The following AGFG1 variants were observed in gnomAD, a reference collection of about 807,000 sequenced individuals.
AGFG1 encodes arf-GAP domain and FG repeat-containing protein 1.
In AGFG1, 10 loss-of-function variants were observed where a neutral mutation model predicts 60.6. The observed-to-expected ratio is 0.16, with a 90% CI of 0.10 to 0.28. AGFG1 has a LOEUF of 0.28. Ranked by LOEUF, AGFG1 falls within the 10% of genes least tolerant of loss-of-function variation. The probability of loss-of-function intolerance (pLI) is 1.00; values close to 1 mark genes in which losing one functional copy is unlikely to be tolerated. For missense variants in AGFG1, 537 were observed against 676.5 expected (o/e 0.79, Z 2.29); for synonymous variants, 247 against 242.9 (o/e 1.02, Z -0.16).
chr2:227,551,005 TAATA>T (rs1025852469), intron 10 of AGFG1, among the ~76,000 whole-genome samples: 8 of 152,194 alleles, frequency 5.3e-5, no homozygotes, highest in African/African-American at 1.9e-4. Context: ...TATTCACTAG[TAATA>T]AATAACATAC....
At chr2:227,480,769 C>T (rs963143192) in intron 1 of AGFG1, among the ~76,000 whole-genome samples, 1 of 152,144 alleles carries the variant, frequency 6.6e-6, no homozygotes, top group Non-Finnish European at 1.5e-5. Context: ...CCAACATTTC[C>T]GTTAGCCTCC....
At chr2:227,482,174 A>G (rs1288893564) in intron 1 of AGFG1, among the ~76,000 whole-genome samples, 1 of 152,104 alleles carries the variant, frequency 6.6e-6, no homozygotes, top group Non-Finnish European at 1.5e-5. Flanking sequence ...CTTGTCCACT[A>G]CTTTTAACTA....
intron 1 of AGFG1, among the ~76,000 whole-genome samples, chr2:227,486,622 TTTG>T (rs1170391657): frequency 9.2e-5 from 14 of 152,342 alleles, no homozygotes; most frequent in African/African-American, 3.4e-4. Flanking sequence ...GTATGTTTAC[TTTG>T]TTGTTTATTG....
At chr2:227,473,107 G>C (rs1690163047) in intron 1 of AGFG1, among the ~76,000 whole-genome samples, 1 of 151,454 alleles carries the variant, frequency 6.6e-6, no homozygotes. Context: ...TGGGGTGGGA[G>C]GGAGGGACGC....
In AGFG1 at chr2:227,553,777, A is replaced by T; in HGVS notation, c.1611A>T (p.Val537=). The T allele has an allele frequency of 6.2e-7, 1 of 1,613,490 alleles. No individual in the cohort carries two copies. Among genetic ancestry groups the T allele is most frequent in the South Asian group, 1.1e-5 (1 of 91,032 alleles). ...TPFGQVAAAG[V]SSNPFMTGAP... Reference sequence around the variant, plus strand: ...TTGGTCAAGTTGCAGCTGCTGGAGTATCTAGTAATCCTTTTATGGTAAGCA... The same window carrying T: ...TTGGTCAAGTTGCAGCTGCTGGAGTTTCTAGTAATCCTTTTATGGTAAGCA... The change falls in exon 12 of 13, where the codon GTA becomes GTT. Residue 537 remains valine (V), a synonymous_variant. Coordinates refer to ENST00000310078, the MANE Select transcript of AGFG1 (RefSeq NM_004504.5).
Position 227,553,784 on chromosome 2 carries a change from A to G in AGFG1, c.1618A>G (p.Asn540Asp), listed in dbSNP as rs778611741. Residue 540 changes from asparagine to aspartate, a missense_variant, in exon 12 of 13, where the codon AAT becomes GAT. Coordinates refer to ENST00000310078, the MANE Select transcript of AGFG1 (RefSeq NM_004504.5). The stretch of plus-strand genomic sequence containing the variant: ...AGTTGCAGCTGCTGGAGTATCTAGT[A>G]ATCCTTTTATGGTAAGCAAAATTTA... ...GQVAAAGVSS[N>D]PFMTGAPTGQ... is the part of the protein sequence containing the mutation. 1 of 1,612,970 alleles carries G rather than the reference A, an allele frequency of 6.2e-7. No homozygotes were observed. The highest frequency in any genetic ancestry group is 1.7e-4 in the Middle Eastern group (1 of 6,056).
intron 4 of AGFG1, 21 bp downstream of exon 4, chr2:227,523,946 T>C (rs1188930729): frequency 6.3e-7 from 1 of 1,592,870 alleles, no homozygotes; most frequent in Admixed American, 1.7e-5. Context: ...TTTGAATCTT[T>C]GTAGGGAATT....
rs1054080920 is a variant in AGFG1, at chr2:227,557,995, C to T, written c.*3500C>T. 1 of 152,146 alleles carries T rather than the reference C, an allele frequency of 6.6e-6. No homozygotes were observed. Among genetic ancestry groups the T allele is most frequent in the South Asian group, 2.1e-4 (1 of 4,826 alleles). The allele number at this position is 152,146 out of a possible 1,614,324, so 9.4% of individuals were successfully genotyped here. A position where few individuals can be genotyped will look rare whatever the true frequency, so the allele number is the denominator to read the frequency against. On this transcript the variant is annotated 3_prime_UTR_variant, in exon 13 of 13. Coordinates refer to ENST00000310078, the MANE Select transcript of AGFG1 (RefSeq NM_004504.5). ...TCTAGAACAGTATTTACTTGCAGGG[C>T]AAACATAACTATTCCCTGGGTTTTT... is the stretch of plus-strand genomic sequence containing the variant.
intron 6 of AGFG1, 84 bp downstream of exon 6, chr2:227,531,294 C>T: frequency 4.1e-6 from 6 of 1,451,328 alleles, no homozygotes; most frequent in Non-Finnish European, 5.6e-6. Context: ...TTAGTCTAAA[C>T]TTAAATTCTG....
chr2:227,497,723 C>CTTGTTT (rs1559173411), intron 2 of AGFG1, among the ~76,000 whole-genome samples: 13 of 80,268 alleles, frequency 1.6e-4, no homozygotes, highest in Admixed American at 8.4e-4. Context: ...AAATGAGTTT[C>CTTGTTT]TTTCTTGTTT....
rs1036585324 is a variant in AGFG1 at position 227,555,101 on chromosome 2, A to G, written c.*606A>G. Reference sequence around the variant, plus strand: ...TGTTTTGCTACAGTTTGCAGGTGAAAAAAAATAAATATTATAAAATATGCT... The same window carrying G: ...TGTTTTGCTACAGTTTGCAGGTGAAGAAAAATAAATATTATAAAATATGCT... On this transcript the variant is annotated 3_prime_UTR_variant, in exon 13 of 13. Coordinates refer to ENST00000310078, the MANE Select transcript of AGFG1 (RefSeq NM_004504.5). 1 of 152,600 alleles carries G rather than the reference A, an allele frequency of 6.6e-6. No homozygotes were observed. The highest frequency in any genetic ancestry group is 2.4e-5 in the African/African-American group (1 of 41,450). 9.5% of individuals were successfully genotyped at this position (152,600 alleles called of 1,614,324 possible).
At chr2:227,548,562 C>T (rs559922918) in intron 10 of AGFG1, among the ~76,000 whole-genome samples, 2 of 152,258 alleles carry the variant, frequency 1.3e-5, no homozygotes, top group South Asian at 4.1e-4. Context: ...TGTCTAAATA[C>T]ATATGAGAAA....
chr2:227,522,094 G>A (rs750752367), intron 3 of AGFG1, among the ~76,000 whole-genome samples: 2 of 152,186 alleles, frequency 1.3e-5, no homozygotes, highest in African/African-American at 2.4e-5. Flanking sequence ...ACTTAAAACA[G>A]TGATGATGGT....
rs1691939551 is a variant in AGFG1 at position 227,524,794 on chromosome 2, G to T, written c.573G>T (p.Gln191His). The T allele has an allele frequency of 1.2e-6, 2 of 1,614,166 alleles. No individual in the cohort carries two copies. Among genetic ancestry groups the T allele is most frequent in the Non-Finnish European group, 1.7e-6 (2 of 1,179,992 alleles). Residue 191 changes from glutamine (Q) to histidine (H), a missense_variant, in exon 5 of 13, where the codon CAG (glutamine) becomes CAT (histidine). Gln to His is a conservative substitution (Grantham distance 24, BLOSUM62 0). Around this residue, in one of 4 missense-constraint regions of AGFG1, gnomAD observed 102 missense variants for 82.9 expected, o/e 1.23. Transcript: ENST00000310078. ...SPVVGRSQGQ[Q>H]QEKKQFDLLS... ...TTGTAGGTCGTTCTCAAGGGCAGCA[G>T]CAGGAGAAGAAGCAATTTGACCTTT...
chr2:227,499,793 C>G (rs554014328), intron 2 of AGFG1, among the ~76,000 whole-genome samples: 1 of 152,306 alleles, frequency 6.6e-6, no homozygotes, highest in African/African-American at 2.4e-5. Flanking sequence ...GGTAGTTATT[C>G]TGGAGCTGGA....
intron 5 of AGFG1, among the ~76,000 whole-genome samples, chr2:227,526,158 G>GT (rs1691983701): frequency 6.6e-6 from 1 of 152,134 alleles, no homozygotes; most frequent in Non-Finnish European, 1.5e-5. Flanking sequence ...CACCTTAGGA[G>GT]TAGGAACATT....
intron 10 of AGFG1, among the ~76,000 whole-genome samples, chr2:227,540,367 G>A (rs1012718771): frequency 6.6e-6 from 1 of 151,842 alleles, no homozygotes; most frequent in Non-Finnish European, 1.5e-5. Flanking sequence ...CAAGACAGGC[G>A]CCGGTGTGTG....
intron 3 of AGFG1, among the ~76,000 whole-genome samples, chr2:227,523,189 T>G (rs1016412485): frequency 2.6e-5 from 4 of 152,232 alleles, no homozygotes; most frequent in Non-Finnish European, 5.9e-5. Flanking sequence ...ACTTAGCTCA[T>G]AGGTGAATAA....
chr2:227,544,757 C>T (rs555647296), intron 10 of AGFG1, among the ~76,000 whole-genome samples: 4 of 152,086 alleles, frequency 2.6e-5, no homozygotes, highest in African/African-American at 7.2e-5. Context: ...GTTGAAAATT[C>T]TTTTTTTTAA....
Sources: gnomAD v4.1 joint callset for allele counts (sites outside exome capture counted in the v4.1 genomes callset) on GRCh38, gnomAD v4.1.1 for gene constraint, gnomAD v4.1.1 regional missense constraint, MANE v1.5 for transcripts, NCBI Gene and HGNC (gene_info 2026-07-23, HGNC 2026-07-21) for gene names.